The following GABRR1 variants were observed in gnomAD, a reference collection of about 807,000 sequenced individuals.
The protein encoded by GABRR1 is gamma-aminobutyric acid receptor subunit rho-1.
A neutral mutation model predicts 55.5 loss-of-function variants in GABRR1; 59 were observed. The observed-to-expected ratio is 1.06, with a 90% CI of 0.86 to 1.32. GABRR1 has a LOEUF of 1.32. Among genes scored for constraint, GABRR1 ranks in the 40% most tolerant of loss-of-function variants. GABRR1 has a pLI of 0.00. For synonymous variants in GABRR1, 213 were observed against 226.0 expected (o/e 0.94, Z 0.51); for missense variants, 602 against 619.1 (o/e 0.97, Z 0.29).
In GABRR1 at chr6:89,185,343, T is replaced by C. The variant is rs755524351; in HGVS notation, c.763A>G (p.Thr255Ala). The change falls in exon 7 of 10, where the codon ACC becomes GCC. Residue 255 changes from threonine (T) to alanine (A), a missense_variant. Around this residue, in one of 3 missense-constraint regions of GABRR1, gnomAD observed 435 missense variants for 424.2 expected, o/e 1.03. Transcript: ENST00000454853. ...CTGTAGAAAGCCAGTTTGGTGGTGG[T>C]GTGGAATTCCTGAATGAGGAACTGG... The part of the protein sequence containing the change: ...LSQFLIQEFH[T>A]TTKLAFYSST... 1 of 1,613,834 alleles carries C rather than the reference T, an allele frequency of 6.2e-7. No homozygotes were observed. Among genetic ancestry groups the C allele is most frequent in the Non-Finnish European group, 8.5e-7 (1 of 1,179,860 alleles).
intron 9 of GABRR1, among the ~76,000 whole-genome samples, chr6:89,179,530 T>G (rs1224257446): frequency 6.6e-6 from 1 of 152,186 alleles, no homozygotes; most frequent in Non-Finnish European, 1.5e-5. Context: ...TGGTATCCAT[T>G]TTTGCTGATC....
intron 7 of GABRR1, among the ~76,000 whole-genome samples, chr6:89,183,494 G>A (rs374570): frequency 0.66 from 100,321 of 151,578 alleles, 33,551 homozygotes; most frequent in Middle Eastern, 0.74. Context: ...AGTCAATTGC[G>A]CAAGTTTTAC....
chr6:89,215,982 T>C (rs912460235), intron 1 of GABRR1, among the ~76,000 whole-genome samples: 6 of 152,176 alleles, frequency 3.9e-5, no homozygotes, highest in African/African-American at 1.2e-4. Context: ...TTAATCCCTA[T>C]AAGCACATTT....
chr6:89,213,038 T>C (rs927172413), intron 1 of GABRR1, among the ~76,000 whole-genome samples: 2 of 152,200 alleles, frequency 1.3e-5, no homozygotes, highest in Non-Finnish European at 2.9e-5. Flanking sequence ...TGATTCTGCA[T>C]GATTGGTGAA....
At chr6:89,205,741 TC>T (rs1772620224) in intron 1 of GABRR1, 1 of 152,184 alleles carries the variant, frequency 6.6e-6, no homozygotes, top group African/African-American at 2.4e-5. Context: ...GCTGACTATT[TC>T]ATCTGAGAAG....
intron 2 of GABRR1, 76 bp downstream of exon 2, chr6:89,203,359 C>T (rs1772539111): frequency 7.7e-7 from 1 of 1,293,382 alleles, no homozygotes; most frequent in Non-Finnish European, 1.1e-6. Flanking sequence ...GGGGAGGGGC[C>T]CTGCTGAAAA....
At chr6:89,184,247 C>CAAA (rs1164564083) in intron 7 of GABRR1, among the ~76,000 whole-genome samples, 91 of 57,120 alleles carry the variant, frequency 1.6e-3, no homozygotes, top group African/African-American at 5.0e-3. Context: ...GACTCCGTCT[C>CAAA]AAAAAAAAAA....
intron 7 of GABRR1, among the ~76,000 whole-genome samples, chr6:89,184,246 T>TAAA (rs1771821013): frequency 1.0e-5 from 1 of 96,534 alleles, no homozygotes; most frequent in African/African-American, 4.9e-5. Context: ...AGACTCCGTC[T>TAAA]CAAAAAAAAA....
At chr6:89,218,864 T>C (rs1407463733), upstream of GABRR1, among the ~76,000 whole-genome samples, 3 of 152,290 alleles carry the variant, frequency 2.0e-5, no homozygotes, top group Non-Finnish European at 2.9e-5. Context: ...CTTGGAGGTA[T>C]TTTTCTGAAA....
At chr6:89,209,224 A>G (rs1772746555) in intron 1 of GABRR1, among the ~76,000 whole-genome samples, 1 of 152,046 alleles carries the variant, frequency 6.6e-6, no homozygotes, top group Non-Finnish European at 1.5e-5. Context: ...ATGCCTGGGA[A>G]TACCATATGC....
chr6:89,197,955 C>T (rs1047294081), intron 5 of GABRR1, 65 bp downstream of exon 5: 15 of 1,463,920 alleles, frequency 1.0e-5, no homozygotes, highest in Non-Finnish European at 1.4e-5. Context: ...AGCCAAAAAC[C>T]CAAATTGCTG....
chr6:89,205,275 G>C (rs1371713159), intron 1 of GABRR1, among the ~76,000 whole-genome samples: 1 of 152,202 alleles, frequency 6.6e-6, no homozygotes, highest in Non-Finnish European at 1.5e-5. Context: ...CATCACGTTG[G>C]AAGATTTGCC....
chr6:89,198,409 T>TGCAGGGG (rs1772368148), intron 4 of GABRR1, among the ~76,000 whole-genome samples, 166 bp from the exon 5 acceptor site: 1 of 117,928 alleles, frequency 8.5e-6, no homozygotes, highest in African/African-American at 3.3e-5. Flanking sequence ...AAGAGAACGC[T>TGCAGGGG]GCAGGGGGCG....
intron 1 of GABRR1, among the ~76,000 whole-genome samples, chr6:89,224,685 G>GTT (rs1773169079): frequency 6.6e-6 from 1 of 152,100 alleles, no homozygotes; most frequent in Non-Finnish European, 1.5e-5. Context: ...AGTCCCACCT[G>GTT]TTTATCTTTG....
chr6:89,199,746 C>T (rs1413538816), intron 3 of GABRR1, among the ~76,000 whole-genome samples: 1 of 152,168 alleles, frequency 6.6e-6, no homozygotes, highest in Non-Finnish European at 1.5e-5. Context: ...CCACATTATT[C>T]TCTATATTTG....
At chr6:89,189,873 T>G (rs2127793699) in intron 6 of GABRR1, among the ~76,000 whole-genome samples, 1 of 152,152 alleles carries the variant, frequency 6.6e-6, no homozygotes, top group South Asian at 2.1e-4. Context: ...AGTGAAACCC[T>G]GTCTCTACTA....
chr6:89,199,027 G>A (rs778265729), intron 4 of GABRR1, among the ~76,000 whole-genome samples: 3 of 152,116 alleles, frequency 2.0e-5, no homozygotes, highest in Non-Finnish European at 4.4e-5. Flanking sequence ...CGACAGCCAG[G>A]TACAGAATCC....
At chr6:89,195,182 C>T (rs570603273) in intron 5 of GABRR1, among the ~76,000 whole-genome samples, 6 of 152,074 alleles carry the variant, frequency 3.9e-5, no homozygotes, top group South Asian at 4.2e-4. Flanking sequence ...CAATTTGGGC[C>T]GGGCATGGTG....
chr6:89,182,739 C>T (rs1007784339), intron 7 of GABRR1, among the ~76,000 whole-genome samples: 4 of 151,978 alleles, frequency 2.6e-5, no homozygotes, highest in East Asian at 1.9e-4. Context: ...CAGCTGGGCG[C>T]GGTGGCTCAT....
Sources: gnomAD v4.1 joint callset for allele counts (sites outside exome capture counted in the v4.1 genomes callset) on GRCh38, gnomAD v4.1.1 for gene constraint, gnomAD v4.1.1 regional missense constraint, MANE v1.5 for transcripts, NCBI Gene and HGNC (gene_info 2026-07-23, HGNC 2026-07-21) for gene names.